The following GPC6 variants were observed in gnomAD, a reference collection of about 807,000 sequenced individuals.
The protein encoded by GPC6 is glypican-6.
In GPC6, 14 loss-of-function variants were observed where a neutral mutation model predicts 55.2. That is an observed-to-expected ratio of 0.25 (90% CI 0.17 to 0.40). The LOEUF (loss-of-function observed/expected upper bound fraction) is 0.40. GPC6 is among the 10% of genes least tolerant of loss of function. The pLI, the probability that GPC6 is intolerant of heterozygous loss-of-function variation, is 1.00. For missense variants in GPC6, 641 were observed against 708.5 expected, an observed-to-expected ratio of 0.90 and a Z score of 1.08; for synonymous variants, 278 against 259.6, an observed-to-expected ratio of 1.07 and a Z score of -0.68.
intron 3 of GPC6, among the ~76,000 whole-genome samples, chr13:93,880,518 A>G (rs1874892160): frequency 2.0e-5 from 3 of 152,104 alleles, no homozygotes; most frequent in Admixed American, 2.0e-4. Flanking sequence ...TGAACATGAG[A>G]TCACATGGAC....
At chr13:93,485,997 G>A (rs1006125856) in intron 1 of GPC6, among the ~76,000 whole-genome samples, 1 of 152,184 alleles carries the variant, frequency 6.6e-6, no homozygotes, top group African/African-American at 2.4e-5. Flanking sequence ...TGGGAAATAT[G>A]TACACTTTAG....
chr13:93,930,176 T>A (rs2140353671), intron 3 of GPC6, among the ~76,000 whole-genome samples: 1 of 152,282 alleles, frequency 6.6e-6, no homozygotes, highest in Middle Eastern at 3.4e-3. Flanking sequence ...CTGGGATCAT[T>A]CTGTTATATA....
At chr13:93,300,848 C>G (rs1878652633) in intron 1 of GPC6, among the ~76,000 whole-genome samples, 1 of 151,458 alleles carries the variant, frequency 6.6e-6, no homozygotes, top group Non-Finnish European at 1.5e-5. Context: ...GAAGAAACTC[C>G]ATCTCTACTA....
At chr13:93,736,932 A>G (rs568155256) in intron 2 of GPC6, among the ~76,000 whole-genome samples, 86 of 152,190 alleles carry the variant, frequency 5.7e-4, no homozygotes, top group Non-Finnish European at 1.1e-3. Context: ...AAAGGCCACA[A>G]TTTCCTATTA....
chr13:93,932,973 C>CTTTTTTTTTTTTTTTTTTTTTT (rs59362571), intron 3 of GPC6, among the ~76,000 whole-genome samples: 1 of 102,382 alleles, frequency 9.8e-6, no homozygotes, highest in Non-Finnish European at 2.0e-5. Flanking sequence ...TTGTTTTGTT[C>CTTTTTTTTTTTTTTTTTTTTTT]TTTTTTTTTT....
intron 3 of GPC6, among the ~76,000 whole-genome samples, chr13:93,915,493 A>G (rs1029288698): frequency 2.0e-5 from 3 of 152,150 alleles, no homozygotes; most frequent in Non-Finnish European, 2.9e-5. Flanking sequence ...TCTAAAACTG[A>G]AGGGTTGAAA....
At chr13:94,142,030 T>C (rs1040671144) in intron 4 of GPC6, among the ~76,000 whole-genome samples, 1 of 152,108 alleles carries the variant, frequency 6.6e-6, no homozygotes, top group Non-Finnish European at 1.5e-5. Flanking sequence ...ATCCTCTTTC[T>C]GAAATCTTAT....
At chr13:94,363,493 G>A (rs1879152200) in intron 6 of GPC6, among the ~76,000 whole-genome samples, 1 of 152,174 alleles carries the variant, frequency 6.6e-6, no homozygotes, top group Non-Finnish European at 1.5e-5. Context: ...AATGAGTTCT[G>A]TTGATTTGAA....
At chr13:93,415,614 G>A (rs1405069452) in intron 1 of GPC6, among the ~76,000 whole-genome samples, 2 of 152,070 alleles carry the variant, frequency 1.3e-5, no homozygotes, top group Non-Finnish European at 2.9e-5. Context: ...GACTGCCTTC[G>A]AGAATACCAT....
chr13:93,494,337 G>A (rs9524099), intron 1 of GPC6, among the ~76,000 whole-genome samples: 42,127 of 138,076 alleles, frequency 0.31, 6,539 homozygotes, highest in East Asian at 0.35. Flanking sequence ...CAGAGACTAG[G>A]ATTGCAACCC....
At chr13:93,915,959 A>G (rs1311571095) in intron 3 of GPC6, among the ~76,000 whole-genome samples, 1 of 152,146 alleles carries the variant, frequency 6.6e-6, no homozygotes, top group East Asian at 1.9e-4. Flanking sequence ...GAGCCATGAC[A>G]TGGGTGACTA....
At chr13:93,711,713 C>T (rs1170257566) in intron 2 of GPC6, among the ~76,000 whole-genome samples, 2 of 151,714 alleles carry the variant, frequency 1.3e-5, no homozygotes. Flanking sequence ...CACTATTCTG[C>T]TCTAATTTTC....
chr13:94,354,258 G>T (rs1878685665), intron 6 of GPC6, among the ~76,000 whole-genome samples: 1 of 151,734 alleles, frequency 6.6e-6, no homozygotes, highest in African/African-American at 2.4e-5. Flanking sequence ...AAAATTATGG[G>T]GCTCTCTCCA....
At chr13:93,686,196 C>T (rs947968290) in intron 2 of GPC6, among the ~76,000 whole-genome samples, 1 of 152,032 alleles carries the variant, frequency 6.6e-6, no homozygotes, top group African/African-American at 2.4e-5. Context: ...AGGTTTAACC[C>T]AGTTGCCTTC....
intron 4 of GPC6, among the ~76,000 whole-genome samples, chr13:94,276,431 G>A (rs9301949): frequency 0.029 from 4,418 of 152,026 alleles, 218 homozygotes; most frequent in African/African-American, 0.098. Flanking sequence ...CAAGGCTGGC[G>A]AGGTAGGTAG....
intron 4 of GPC6, among the ~76,000 whole-genome samples, chr13:94,081,844 CTTT>C (rs201141414): frequency 2.3e-5 from 3 of 132,968 alleles, no homozygotes; most frequent in Non-Finnish European, 3.2e-5. Context: ...TACTACTTTC[CTTT>C]TTTTTTTTTT....
chr13:94,230,290 G>T (rs573735774), intron 4 of GPC6, among the ~76,000 whole-genome samples: 19 of 152,208 alleles, frequency 1.2e-4, no homozygotes, highest in African/African-American at 4.3e-4. Flanking sequence ...CCCAAGTCCT[G>T]CTCCAGGTCA....
chr13:93,959,444 T>G (rs2140381568), intron 3 of GPC6, among the ~76,000 whole-genome samples: 1 of 152,326 alleles, frequency 6.6e-6, no homozygotes, highest in East Asian at 1.9e-4. Context: ...ATTACAGATG[T>G]GAGCCACCAT....
chr13:94,230,516 C>T (rs1293718632), intron 4 of GPC6, among the ~76,000 whole-genome samples: 1 of 152,148 alleles, frequency 6.6e-6, no homozygotes, highest in Non-Finnish European at 1.5e-5. Context: ...ACACTCTCCT[C>T]ACACTCTAGC....
Sources: gnomAD v4.1 joint callset for allele counts (sites outside exome capture counted in the v4.1 genomes callset) on GRCh38, gnomAD v4.1.1 for gene constraint, MANE v1.5 for transcripts, NCBI Gene and HGNC (gene_info 2026-07-23, HGNC 2026-07-21) for gene names.